ABCC4: variants seen among roughly 807,000 people sequenced by gnomAD.
The protein encoded by ABCC4 is ATP binding cassette subfamily C member 4 (PEL blood group).
Under a neutral mutation model 168.5 loss-of-function variants are expected in ABCC4, and 102 were observed. The ratio of observed to expected loss-of-function variants is 0.61; its 90% confidence interval spans 0.52 to 0.71. The LOEUF (loss-of-function observed/expected upper bound fraction) is 0.71, where lower values mean the gene tolerates loss of function less well. Ranked by LOEUF, ABCC4 falls within the 30% of genes least tolerant of loss-of-function variation. The pLI is 0.00. For missense variants in ABCC4, 1,402 were observed against 1,605.8 expected (o/e 0.87, Z 2.17); for synonymous variants, 617 against 590.7 (o/e 1.04, Z -0.65).
chr13:95,025,376 CACACACCCTCCCA>C, intron 30 of ABCC4, among the ~76,000 whole-genome samples: 1 of 51,384 alleles, frequency 1.9e-5, no homozygotes, highest in Non-Finnish European at 3.6e-5. Context: ...CCACACCCCA[CACACACCCTCCCA>C]CCCCCACACA....
chr13:95,271,908 C>A (rs1212625917), intron 1 of ABCC4, among the ~76,000 whole-genome samples: 2 of 152,272 alleles, frequency 1.3e-5, no homozygotes, highest in East Asian at 1.9e-4. Flanking sequence ...CCTCTCCCCA[C>A]CAACTTTAAG....
At chr13:95,128,188 G>T (rs188033321) in intron 19 of ABCC4, among the ~76,000 whole-genome samples, 5 of 152,218 alleles carry the variant, frequency 3.3e-5, no homozygotes, top group African/African-American at 1.2e-4. Context: ...TTCTGTGGAG[G>T]TAATTAAATA....
At chr13:95,128,449 A>T (rs2035856849) in intron 19 of ABCC4, among the ~76,000 whole-genome samples, 1 of 152,182 alleles carries the variant, frequency 6.6e-6, no homozygotes, top group Admixed American at 6.5e-5. Flanking sequence ...CAGCCTGCTC[A>T]ATTACATGAT....
rs200888980 is a variant in ABCC4 at position 95,178,100 on chromosome 13, A to G, written c.1546-9T>C. ...TCCAACAGCTGTAAATCCTGTATGG[A>G]CAAAGGAAAGAAGGGGGGAAAAAGA... is the stretch of plus-strand genomic sequence containing the variant. On this transcript the variant is annotated splice_polypyrimidine_tract_variant and intron_variant, in intron 11 of 30. Transcript: ENST00000645237. 2 of 1,612,628 alleles carry G rather than the reference A, an allele frequency of 1.2e-6. No homozygotes were observed. Among genetic ancestry groups the G allele is most frequent in the Non-Finnish European group, 1.7e-6 (2 of 1,178,628 alleles).
chr13:95,056,132 T>C (rs2139271688), intron 26 of ABCC4, among the ~76,000 whole-genome samples: 1 of 151,696 alleles, frequency 6.6e-6, no homozygotes, highest in East Asian at 1.9e-4. Flanking sequence ...GCATGGGGAG[T>C]TACAAACCAG....
At chr13:95,187,661 T>G (rs1463294835) in intron 10 of ABCC4, among the ~76,000 whole-genome samples, 1 of 152,130 alleles carries the variant, frequency 6.6e-6, no homozygotes, top group Non-Finnish European at 1.5e-5. Flanking sequence ...AAATAAATAA[T>G]AAATCCTGTG....
intron 1 of ABCC4, among the ~76,000 whole-genome samples, chr13:95,290,531 C>T (rs1439402270): frequency 6.6e-6 from 1 of 151,766 alleles, no homozygotes; most frequent in Non-Finnish European, 1.5e-5. Context: ...ATGGTGAAAC[C>T]CTATCTCTAC....
At chr13:95,084,010 CACGGGATAAGGAAGTG>C (rs1438888101) in intron 20 of ABCC4, among the ~76,000 whole-genome samples, 8 of 152,118 alleles carry the variant, frequency 5.3e-5, no homozygotes, top group Non-Finnish European at 2.9e-5. Flanking sequence ...CTCAGCTATG[CACGGGATAAGGAAGTG>C]ACTAATTGCA....
rs952063416 is a variant in ABCC4, at chr13:95,237,934, C to T, written c.307-3100G>A. Reference sequence around the variant, plus strand: ...ATACAGCCAGGCGCGGTGGCTCCCACCTGTAATCCCAGCACTTTGGGAGGC... The same window carrying T: ...ATACAGCCAGGCGCGGTGGCTCCCATCTGTAATCCCAGCACTTTGGGAGGC... On this transcript the variant is annotated intron_variant, in intron 3 of 30. Coordinates refer to ENST00000645237, the MANE Select transcript of ABCC4 (RefSeq NM_005845.5). Among the ~76,000 whole-genome samples the T allele has an allele frequency of 3.9e-5, 6 of 152,112 alleles. No individual in the cohort carries two copies. In the South Asian group the frequency reaches 1.2e-3, roughly 32 times the overall value.
Position 95,157,129 on chromosome 13 carries a change from CAA to C in ABCC4, c.2455+4058_2455+4059del, listed in dbSNP as rs1491196027. 2.9e-3 allele frequency among the ~76,000 whole-genome samples: 360 copies of C among 122,892 alleles called. 6 individuals are homozygous for C. The highest frequency in any genetic ancestry group is 0.011 in the African/African-American group (329 of 31,034). 80.6% of individuals were successfully genotyped at this position (122,892 alleles called of 152,430 possible). ...ACACACACACACACACACACACACA[CAA>C]ACAGTCACCATTTGTCCACTGGTGG... On this transcript the variant is annotated intron_variant, in intron 19 of 30. Transcript: ENST00000645237.
chr13:95,079,577 G>A (rs560780167), intron 21 of ABCC4, among the ~76,000 whole-genome samples: 25 of 152,348 alleles, frequency 1.6e-4, no homozygotes, highest in African/African-American at 6.0e-4. Context: ...GCTCACGCCT[G>A]TAATCCCAGC....
intron 22 of ABCC4, 49 bp from the exon 23 acceptor site, chr13:95,074,373 C>A (rs762403866): frequency 1.4e-6 from 2 of 1,460,294 alleles, no homozygotes; most frequent in Non-Finnish European, 1.9e-6. Context: ...GATGAATGTG[C>A]GAGTGTGTTT....
intron 19 of ABCC4, among the ~76,000 whole-genome samples, chr13:95,119,157 G>T (rs2035477539): frequency 6.6e-6 from 1 of 152,112 alleles, no homozygotes; most frequent in Non-Finnish European, 1.5e-5. Context: ...TAAATTCTTT[G>T]AGCCAGACCA....
At chr13:95,234,939 G>A in intron 3 of ABCC4, 105 bp from the exon 4 acceptor site, 2 of 807,110 alleles carry the variant, frequency 2.5e-6, no homozygotes, top group Non-Finnish European at 3.8e-6. Context: ...CACCCATGCT[G>A]GAGTATAGTG....
chr13:95,245,093 A>C (rs1242015315), intron 3 of ABCC4, among the ~76,000 whole-genome samples: 2 of 152,160 alleles, frequency 1.3e-5, no homozygotes, highest in Non-Finnish European at 1.5e-5. Context: ...CCAAAAGCTT[A>C]CCCAAATCTC....
chr13:95,047,682 A>G (rs2032647700), intron 27 of ABCC4, among the ~76,000 whole-genome samples: 1 of 151,718 alleles, frequency 6.6e-6, no homozygotes, highest in Non-Finnish European at 1.5e-5. Flanking sequence ...ATGGGGTTTC[A>G]CCATATTGGC....
intron 8 of ABCC4, among the ~76,000 whole-genome samples, chr13:95,196,284 A>G (rs1678385): frequency 0.011 from 1,651 of 152,280 alleles, 38 homozygotes; most frequent in African/African-American, 0.038. Context: ...AACGCACAGC[A>G]GCCTTGAACA....
At chr13:95,230,504 C>T (rs573695635) in intron 4 of ABCC4, among the ~76,000 whole-genome samples, 1 of 152,190 alleles carries the variant, frequency 6.6e-6, no homozygotes, top group Non-Finnish European at 1.5e-5. Flanking sequence ...CGGCCGGGTA[C>T]AGTGGCTCAC....
chr13:95,129,797 A>G (rs117821285), intron 19 of ABCC4, among the ~76,000 whole-genome samples: 1,558 of 152,274 alleles, frequency 0.01, 27 homozygotes, highest in African/African-American at 0.033. Context: ...AAAACAGGCC[A>G]GGCGCAGTGG....
Sources: allele counts gnomAD v4.1 joint callset (sites outside exome capture counted in the v4.1 genomes callset), GRCh38; gene constraint gnomAD v4.1.1; transcripts MANE v1.5; gene names NCBI Gene and HGNC (gene_info 2026-07-23, HGNC 2026-07-21).